ASH1L: variants seen among roughly 807,000 people sequenced by gnomAD.
The protein encoded by ASH1L is histone-lysine N-methyltransferase ASH1L.
In ASH1L, 23 loss-of-function variants were observed where a neutral mutation model predicts 269.0. That is an observed-to-expected ratio of 0.09 (90% confidence interval 0.06 to 0.12). The LOEUF is 0.12. Ranked by LOEUF, ASH1L falls within the 10% of genes least tolerant of loss-of-function variation. The pLI, the probability that ASH1L is intolerant of heterozygous loss-of-function variation, is 1.00. For missense variants in ASH1L, 2,912 were observed against 3,567.8 expected (o/e 0.82, Z 4.68); for synonymous variants, 1,187 against 1,253.5 (o/e 0.95, Z 1.12).
chr1:155,476,222 T>A (rs755462106), intron 3 of ASH1L, among the ~76,000 whole-genome samples: 1 of 151,866 alleles, frequency 6.6e-6, no homozygotes, highest in Non-Finnish European at 1.5e-5. Flanking sequence ...CTGTCTCTAC[T>A]AGAAATATAA....
intron 6 of ASH1L, among the ~76,000 whole-genome samples, chr1:155,398,925 G>A (rs1658594224): frequency 6.6e-6 from 1 of 152,050 alleles, no homozygotes; most frequent in African/African-American, 2.4e-5. Context: ...TAGACACGGT[G>A]TTTCACCATG....
At chr1:155,519,954 C>T (rs549558983) in intron 2 of ASH1L, among the ~76,000 whole-genome samples, 139 of 152,164 alleles carry the variant, frequency 9.1e-4, no homozygotes, top group African/African-American at 3.1e-3. Flanking sequence ...CTACCACGCC[C>T]GGCAAGTACA....
chr1:155,442,358 T>G (rs1214367202), intron 4 of ASH1L, among the ~76,000 whole-genome samples: 1 of 151,058 alleles, frequency 6.6e-6, no homozygotes, highest in Non-Finnish European at 1.5e-5. Context: ...GAGGCTGAGG[T>G]GGGCGGATCA....
At chr1:155,370,390 G>A in intron 12 of ASH1L, 114 bp downstream of exon 12, 2 of 1,383,416 alleles carry the variant, frequency 1.4e-6, no homozygotes, top group African/African-American at 1.4e-5. Context: ...GGGGTAATGG[G>A]GAACAGCCTG....
chr1:155,411,420 A>G lies in ASH1L; in HGVS notation c.6008+4324T>C, dbSNP rs545297650. On this transcript the variant is annotated intron_variant, in intron 6 of 27. Transcript: ENST00000392403. ...ATCTTTTGTATGACCAGAGACACTT[A>G]CAAATCACTGATACGGTTGTATAAT... Among the ~76,000 whole-genome samples the G allele has an allele frequency of 5.1e-4, 77 of 151,506 alleles. 1 individual carries two copies. Among genetic ancestry groups the G allele is most frequent in the African/African-American group, 1.8e-3 (76 of 41,280 alleles).
At chr1:155,376,904 T>C (rs1013130971) in intron 10 of ASH1L, among the ~76,000 whole-genome samples, 1 of 151,070 alleles carries the variant, frequency 6.6e-6, no homozygotes, top group African/African-American at 2.4e-5. Flanking sequence ...TCATAACTCA[T>C]AATTCTTTTT....
intron 1 of ASH1L, among the ~76,000 whole-genome samples, chr1:155,532,965 GGAGAGAGA>G (rs10679513): frequency 7.0e-6 from 1 of 142,042 alleles, no homozygotes; most frequent in Non-Finnish European, 1.5e-5. Flanking sequence ...ATATATGGGG[GGAGAGAGA>G]GAGAGAGAGA....
chr1:155,403,520 A>T (rs961592625), intron 6 of ASH1L, among the ~76,000 whole-genome samples: 3 of 152,212 alleles, frequency 2.0e-5, no homozygotes, highest in African/African-American at 7.2e-5. Flanking sequence ...AATATTAATA[A>T]TACCTGTTCT....
At chr1:155,375,171 A>T (rs796320621) in intron 10 of ASH1L, among the ~76,000 whole-genome samples, 23 of 151,710 alleles carry the variant, frequency 1.5e-4, no homozygotes, top group African/African-American at 4.1e-4. Flanking sequence ...ATCCGGATTT[A>T]AAAAAACCCT....
At chr1:155,542,681 AT>A (rs139373080) in intron 1 of ASH1L, among the ~76,000 whole-genome samples, 102,851 of 127,270 alleles carry the variant, frequency 0.81, 42,705 homozygotes, top group East Asian at 0.97. Flanking sequence ...TAATTAATTA[AT>A]TTTTTTTTTT....
intron 2 of ASH1L, among the ~76,000 whole-genome samples, chr1:155,499,414 C>T (rs1355918785): frequency 6.6e-6 from 1 of 152,150 alleles, no homozygotes; most frequent in Non-Finnish European, 1.5e-5. Flanking sequence ...CTCCCTATCC[C>T]CATCTAACTA....
At chr1:155,408,910 AAAAAC>A (rs765664617) in intron 6 of ASH1L, among the ~76,000 whole-genome samples, 3 of 152,142 alleles carry the variant, frequency 2.0e-5, no homozygotes, top group South Asian at 4.1e-4. Context: ...AGGTATTCAA[AAAAAC>A]AAAACAAAAC....
rs1655907356 is a variant in ASH1L, at chr1:155,371,134, T to C, written c.6333-151A>G. 6.9e-6 allele frequency: 5 copies of C among 721,120 alleles called. No homozygotes were observed. In the South Asian group the frequency reaches 9.9e-5, roughly 14 times the overall value. 44.7% of individuals were successfully genotyped at this position (721,120 alleles called of 1,614,324 possible). Reference sequence around the variant, plus strand: ...GAATCACTAAGATTAAAATAATAAATGTCAAAAATTAATAATATTCAGAAT... The same window carrying C: ...GAATCACTAAGATTAAAATAATAAACGTCAAAAATTAATAATATTCAGAAT... On this transcript the variant is annotated intron_variant, in intron 10 of 27. Coordinates refer to ENST00000392403, the MANE Select transcript of ASH1L (RefSeq NM_018489.3).
chr1:155,510,700 A>G (rs2148817349), intron 2 of ASH1L, among the ~76,000 whole-genome samples: 1 of 152,256 alleles, frequency 6.6e-6, no homozygotes, highest in East Asian at 1.9e-4. Context: ...TTGATTCCCA[A>G]CAATTTATTC....
intron 1 of ASH1L, among the ~76,000 whole-genome samples, chr1:155,533,303 GC>G (rs1669814977): frequency 6.6e-6 from 1 of 152,016 alleles, no homozygotes; most frequent in South Asian, 2.1e-4. Context: ...CAATCAGCAT[GC>G]GGTAGTTACT....
rs780576701 is a variant in ASH1L, at chr1:155,481,079, T to C, written c.1791A>G (p.Glu597=). 29 of 1,613,970 alleles carry C rather than the reference T, an allele frequency of 1.8e-5. 1 individual carries two copies. The African/African-American group carries it at 3.3e-4, about 19-fold the overall frequency. Residue 597 remains glutamate, a synonymous_variant, in exon 3 of 28, where the codon GAA becomes GAG. Transcript: ENST00000392403. The part of the protein sequence containing the change: ...STTELIEEIS[E]SVGKNQFTSE... ...AAGTAAACTGGTTCTTTCCAACAGATTCAGAAATTTCTTCGATTAGTTCTG... is the reference window on the plus strand; with the variant it reads ...AAGTAAACTGGTTCTTTCCAACAGACTCAGAAATTTCTTCGATTAGTTCTG...
intron 7 of ASH1L, among the ~76,000 whole-genome samples, chr1:155,394,183 G>A (rs528987869): frequency 2.6e-5 from 4 of 152,224 alleles, no homozygotes; most frequent in African/African-American, 9.6e-5. Context: ...TTCAGGCAAT[G>A]GGAATAACAA....
At chr1:155,514,571 T>TA (rs1390177773) in intron 2 of ASH1L, among the ~76,000 whole-genome samples, 1 of 152,154 alleles carries the variant, frequency 6.6e-6, no homozygotes, top group East Asian at 1.9e-4. Flanking sequence ...ATATTTATTT[T>TA]AGACTATGGA....
chr1:155,376,700 C>A (rs768935644), intron 10 of ASH1L, among the ~76,000 whole-genome samples: 5 of 150,092 alleles, frequency 3.3e-5, no homozygotes. Flanking sequence ...TAAAAAAATA[C>A]AAAAATTAGC....
Sources: allele counts gnomAD v4.1 joint callset (sites outside exome capture counted in the v4.1 genomes callset), GRCh38; gene constraint gnomAD v4.1.1; transcripts MANE v1.5; gene names NCBI Gene and HGNC (gene_info 2026-07-23, HGNC 2026-07-21).